DEUP1: variants seen among roughly 807,000 people sequenced by gnomAD.
DEUP1 encodes coiled-coil domain containing 67.
Under a neutral mutation model 87.4 loss-of-function variants are expected in DEUP1, and 82 were observed. That is an observed-to-expected ratio of 0.94 (90% confidence interval 0.78 to 1.13). DEUP1 has a LOEUF of 1.13. Ranked by LOEUF, DEUP1 falls within the 50% of genes most tolerant of loss-of-function variation. The probability of loss-of-function intolerance (pLI) is 0.00; values close to 1 mark genes in which losing one functional copy is unlikely to be tolerated. For missense variants in DEUP1, 663 were observed against 681.5 expected, an observed-to-expected ratio of 0.97 and a Z score of 0.30; for synonymous variants, 214 against 222.7, an observed-to-expected ratio of 0.96 and a Z score of 0.35.
In DEUP1 at chr11:93,396,253, A is replaced by C. The variant is rs1054019588; in HGVS notation, c.1254A>C (p.Lys418Asn). ...MLAKQKVSDM[K>N]YKAVRTENTH... ...GCTAATTTCAGGTCTCAGATATGAA[A>C]TATAAAGCTGTCAGAACTGAAAACA... Residue 418 changes from lysine to asparagine, a missense_variant, in exon 11 of 14, where the codon AAA (lysine) becomes AAC (asparagine). By Grantham distance (94) the Lys-to-Asn change is moderately conservative. Coordinates refer to ENST00000298050, the MANE Select transcript of DEUP1 (RefSeq NM_181645.4). 1.0e-5 allele frequency: 16 copies of C among 1,574,758 alleles called. No individual in the cohort carries two copies. The highest frequency in any genetic ancestry group is 1.4e-5 in the Non-Finnish European group (16 of 1,159,574).
intron 5 of DEUP1, among the ~76,000 whole-genome samples, chr11:93,369,649 C>CTTTTTTTTTCTCAGAATGAA (rs1591157599): frequency 2.7e-5 from 2 of 73,536 alleles, no homozygotes; most frequent in African/African-American, 5.2e-5. Context: ...AATGGATTTA[C>CTTTTTTTTTCTCAGAATGAA]GGCCGGGCGC....
At chr11:93,399,472 A>C (rs556970148) in intron 11 of DEUP1, among the ~76,000 whole-genome samples, 1 of 151,832 alleles carries the variant, frequency 6.6e-6, no homozygotes, top group South Asian at 2.1e-4. Flanking sequence ...TATGTTTTTC[A>C]AAAAGATCTT....
At chr11:93,366,653 A>G (rs763114203) in intron 5 of DEUP1, among the ~76,000 whole-genome samples, 3 of 152,214 alleles carry the variant, frequency 2.0e-5, no homozygotes, top group Non-Finnish European at 4.4e-5. Flanking sequence ...CAGGATTGTC[A>G]TAAGCACCTG....
chr11:93,412,716 A>C (rs1281718230), intron 12 of DEUP1, among the ~76,000 whole-genome samples: 1 of 152,108 alleles, frequency 6.6e-6, no homozygotes, highest in African/African-American at 2.4e-5. Context: ...ATTTTTTTTC[A>C]CCGTGCTTTG....
rs529862351 is a variant in DEUP1, at chr11:93,437,750, C to CCG, written c.*32_*33insGC. 179 of 1,044,890 alleles carry CCG rather than the reference C, an allele frequency of 1.7e-4. 5 individuals carry two copies. The highest frequency in any genetic ancestry group is 9.9e-4 in the African/African-American group (50 of 50,478). 64.7% of individuals were successfully genotyped at this position (1,044,890 alleles called of 1,614,324 possible). On this transcript the variant is annotated 3_prime_UTR_variant, in exon 14 of 14. Transcript: ENST00000298050. ...TAAACTTTTTTATTTGCTTCCCCCC[C>CCG]CCACCCCCGCCAAGAAAAAAAGCTC...
At chr11:93,395,400 C>T (rs947103076) in intron 10 of DEUP1, among the ~76,000 whole-genome samples, 5 of 152,080 alleles carry the variant, frequency 3.3e-5, no homozygotes, top group African/African-American at 1.2e-4. Flanking sequence ...TGACTAAAAT[C>T]GTGAATTATG....
intron 7 of DEUP1, among the ~76,000 whole-genome samples, chr11:93,371,764 G>A (rs1945741465): frequency 6.6e-6 from 1 of 151,976 alleles, no homozygotes; most frequent in Non-Finnish European, 1.5e-5. Flanking sequence ...TTATTTTTAG[G>A]TAACTTTCAC....
Position 93,437,787 on chromosome 11 carries a change from T to G in DEUP1, c.*68T>G. ...AAGAAAAAAAGCTCTGGCAAAATAT[T>G]TACAAAGCTGATTAATGAAACCAAG... On this transcript the variant is annotated 3_prime_UTR_variant, in exon 14 of 14. Transcript: ENST00000298050. 2.5e-6 allele frequency: 2 copies of G among 804,690 alleles called. No homozygotes were observed. Among genetic ancestry groups the G allele is most frequent in the Non-Finnish European group, 2.0e-6 (1 of 497,152 alleles). 49.8% of individuals were successfully genotyped at this position (804,690 alleles called of 1,614,324 possible). A position where few individuals can be genotyped will look rare whatever the true frequency, so the allele number is the denominator to read the frequency against.
intron 13 of DEUP1, among the ~76,000 whole-genome samples, chr11:93,427,641 A>C (rs914721354): frequency 6.6e-6 from 1 of 151,144 alleles, no homozygotes; most frequent in Non-Finnish European, 1.5e-5. Flanking sequence ...TAATTAAACT[A>C]AAGAGCTTCT....
intron 7 of DEUP1, among the ~76,000 whole-genome samples, chr11:93,375,794 T>C (rs116934851): frequency 0.011 from 1,612 of 152,316 alleles, 15 homozygotes; most frequent in Middle Eastern, 0.024. Context: ...TGATACTGGC[T>C]TCACAGAATG....
At chr11:93,402,112 C>T (rs1466944102) in intron 11 of DEUP1, among the ~76,000 whole-genome samples, 1 of 151,372 alleles carries the variant, frequency 6.6e-6, no homozygotes, top group African/African-American at 2.4e-5. Flanking sequence ...ATCCATATGA[C>T]AAGGAATTAA....
At chr11:93,373,899 T>C (rs2134279924) in intron 7 of DEUP1, among the ~76,000 whole-genome samples, 1 of 152,206 alleles carries the variant, frequency 6.6e-6, no homozygotes, top group African/African-American at 2.4e-5. Flanking sequence ...TAGTTTACAT[T>C]CCCACCAGCA....
At chr11:93,388,705 T>G (rs1946668484) in intron 8 of DEUP1, among the ~76,000 whole-genome samples, 1 of 152,222 alleles carries the variant, frequency 6.6e-6, no homozygotes, top group Admixed American at 6.5e-5. Context: ...AGCTATTTTA[T>G]TATAGCATAC....
chr11:93,377,396 G>C (rs1367009270), intron 7 of DEUP1, among the ~76,000 whole-genome samples: 2 of 152,048 alleles, frequency 1.3e-5, no homozygotes, highest in African/African-American at 4.8e-5. Flanking sequence ...AACTGTTGTT[G>C]CTTTAAAATC....
intron 8 of DEUP1, among the ~76,000 whole-genome samples, chr11:93,387,905 T>C (rs907994178): frequency 6.6e-6 from 1 of 152,096 alleles, no homozygotes; most frequent in African/African-American, 2.4e-5. Context: ...GGGAAGTGTA[T>C]ATTTCTTTGC....
rs369054884 is a variant in DEUP1, at chr11:93,413,386, C to G, written c.1524-1614C>G. ...CCTCCTGAGTAGCTGGGACTACAGG[C>G]GCCCGCCATCACGCCAGGCTAATTT... On this transcript the variant is annotated intron_variant, in intron 12 of 13. Transcript: ENST00000298050. Among the ~76,000 whole-genome samples the G allele has an allele frequency of 5.8e-3, 878 of 152,100 alleles. 7 individuals are homozygous for G. The highest frequency in any genetic ancestry group is 0.019 in the African/African-American group (784 of 41,498).
At chr11:93,416,895 A>C (rs1344020702) in intron 13 of DEUP1, among the ~76,000 whole-genome samples, 1 of 152,190 alleles carries the variant, frequency 6.6e-6, no homozygotes, top group African/African-American at 2.4e-5. Context: ...CAATAAATGT[A>C]ATCCAGCATA....
chr11:93,373,605 T>TTATATGTGTA (rs1555048194), intron 7 of DEUP1, among the ~76,000 whole-genome samples: 184 of 128,626 alleles, frequency 1.4e-3, no homozygotes, highest in East Asian at 4.8e-3. Flanking sequence ...GTATATATAT[T>TTATATGTGTA]TATATATGTA....
intron 13 of DEUP1, among the ~76,000 whole-genome samples, chr11:93,417,491 T>C (rs1362200847): frequency 6.6e-6 from 1 of 152,130 alleles, no homozygotes; most frequent in Non-Finnish European, 1.5e-5. Context: ...AAGGACCTCT[T>C]CAGGGAGAAC....
Sources: allele counts gnomAD v4.1 joint callset (sites outside exome capture counted in the v4.1 genomes callset), GRCh38; gene constraint gnomAD v4.1.1; transcripts MANE v1.5; gene names NCBI Gene and HGNC (gene_info 2026-07-23, HGNC 2026-07-21).